DCAF1: variants seen among roughly 807,000 people sequenced by gnomAD.
The protein encoded by DCAF1 is DDB1 and CUL4 associated factor 1.
A neutral mutation model predicts 128.0 loss-of-function variants in DCAF1; 15 were observed. The ratio of observed to expected loss-of-function variants is 0.12; its 90% CI spans 0.08 to 0.18. The LOEUF (loss-of-function observed/expected upper bound fraction) is 0.18. Among genes scored for constraint, DCAF1 ranks in the 10% least tolerant of loss-of-function variants. DCAF1 has a pLI of 1.00. For missense variants in DCAF1, 988 were observed against 1,649.5 expected, an observed-to-expected ratio of 0.60 and a Z score of 6.95; for synonymous variants, 610 against 603.0, an observed-to-expected ratio of 1.01 and a Z score of -0.17.
At chr3:51,454,079 CTT>C (rs1284877071) in intron 6 of DCAF1, among the ~76,000 whole-genome samples, 3 of 152,180 alleles carry the variant, frequency 2.0e-5, no homozygotes, top group Non-Finnish European at 4.4e-5. Flanking sequence ...GTCTCACTCT[CTT>C]GTCAGGGCTG....
intron 10 of DCAF1, among the ~76,000 whole-genome samples, chr3:51,431,356 G>GAA (rs879994256): frequency 7.4e-6 from 1 of 134,288 alleles, no homozygotes; most frequent in Non-Finnish European, 1.6e-5. Flanking sequence ...CGTCTCTACT[G>GAA]AAAAAAAAAA....
At chr3:51,402,566 A>ATTTTTTTTTTTTTTTTT (rs540396047) in intron 24 of DCAF1, among the ~76,000 whole-genome samples, 1 of 84,984 alleles carries the variant, frequency 1.2e-5, no homozygotes, top group Non-Finnish European at 2.0e-5. Flanking sequence ...CCTACAAAGC[A>ATTTTTTTTTTTTTTTTT]TTTTTTTTTT....
chr3:51,428,588 G>C (rs1553634709), intron 12 of DCAF1, among the ~76,000 whole-genome samples: 1 of 152,068 alleles, frequency 6.6e-6, no homozygotes, highest in African/African-American at 2.4e-5. Context: ...GCAGCTACTC[G>C]TCATTATCCC....
chr3:51,442,479 C>A (rs554388068), intron 7 of DCAF1, among the ~76,000 whole-genome samples: 63 of 152,244 alleles, frequency 4.1e-4, no homozygotes, highest in Middle Eastern at 3.4e-3. Flanking sequence ...GGACGAATCA[C>A]CTGAGATCAG....
At chr3:51,412,687 T>C (rs1485552953) in intron 22 of DCAF1, among the ~76,000 whole-genome samples, 1 of 152,178 alleles carries the variant, frequency 6.6e-6, no homozygotes, top group Non-Finnish European at 1.5e-5. Context: ...TGAGGAACCA[T>C]CACCCTTGGA....
At chr3:51,435,394 C>T (rs1700717239) in intron 9 of DCAF1, among the ~76,000 whole-genome samples, 1 of 152,170 alleles carries the variant, frequency 6.6e-6, no homozygotes, top group African/African-American at 2.4e-5. Flanking sequence ...CACACCAAAT[C>T]CCACATGTAG....
At chr3:51,421,742 T>C (rs1318126191) in intron 14 of DCAF1, among the ~76,000 whole-genome samples, 2 of 152,188 alleles carry the variant, frequency 1.3e-5, no homozygotes, top group African/African-American at 4.8e-5. Context: ...ACCCCAGCAG[T>C]GCCCTGATCA....
chr3:51,441,926 G>C (rs782312752), intron 7 of DCAF1, 29 bp from the exon 8 acceptor site: 107 of 1,553,578 alleles, frequency 6.9e-5, no homozygotes, highest in Non-Finnish European at 8.0e-5. Flanking sequence ...AGAAAAAGGG[G>C]GTGCCTCTTT....
At chr3:51,492,955 C>T (rs1707828501) in intron 2 of DCAF1, among the ~76,000 whole-genome samples, 1 of 151,848 alleles carries the variant, frequency 6.6e-6, no homozygotes, top group Non-Finnish European at 1.5e-5. Context: ...GATCGCGCCA[C>T]TGCACTCCAT....
At chr3:51,459,984 T>C (rs1396999438) in intron 6 of DCAF1, among the ~76,000 whole-genome samples, 2 of 152,182 alleles carry the variant, frequency 1.3e-5, no homozygotes, top group Admixed American at 6.6e-5. Context: ...GCATTCCCTT[T>C]GAAAACGGGC....
intron 6 of DCAF1, among the ~76,000 whole-genome samples, chr3:51,457,139 A>T (rs1703009424): frequency 6.6e-6 from 1 of 152,192 alleles, no homozygotes; most frequent in Non-Finnish European, 1.5e-5. Flanking sequence ...AATTCGAACC[A>T]ATGGCAAAGA....
At chr3:51,414,071 A>G in intron 19 of DCAF1, 28 bp from the exon 20 acceptor site, 1 of 1,557,428 alleles carries the variant, frequency 6.4e-7, no homozygotes, top group Non-Finnish European at 8.7e-7. Context: ...AAGGAAAACT[A>G]TTTTACACAA....
chr3:51,446,072 C>T (rs981729502), intron 6 of DCAF1, among the ~76,000 whole-genome samples: 1 of 149,926 alleles, frequency 6.7e-6, no homozygotes, highest in Admixed American at 6.8e-5. Context: ...CGACTCAGTG[C>T]AACCTCCACC....
chr3:51,499,268 C>T (rs1268118259), intron 1 of DCAF1, among the ~76,000 whole-genome samples: 1 of 152,240 alleles, frequency 6.6e-6, no homozygotes, highest in African/African-American at 2.4e-5. Context: ...TGACTCCAGG[C>T]TGCGGGACCC....
downstream of DCAF1, chr3:51,396,387 T>C (rs1553622963): frequency 6.0e-6 from 1 of 167,690 alleles, no homozygotes; most frequent in African/African-American, 2.4e-5. Context: ...ACTTCCTTCC[T>C]TTGGCTCTTA....
chr3:51,481,901 G>C (rs1706246464), intron 3 of DCAF1, among the ~76,000 whole-genome samples: 1 of 152,088 alleles, frequency 6.6e-6, no homozygotes, highest in African/African-American at 2.4e-5. Context: ...GAGGCAGGGA[G>C]AATTGCTTGA....
chr3:51,456,365 G>A (rs868937294), intron 6 of DCAF1, among the ~76,000 whole-genome samples: 37 of 152,146 alleles, frequency 2.4e-4, no homozygotes, highest in Non-Finnish European at 4.1e-4. Flanking sequence ...GGGGAGGGGC[G>A]CCCGCCATTG....
chr3:51,434,164 G>C (rs1700622663), intron 9 of DCAF1, among the ~76,000 whole-genome samples: 1 of 152,038 alleles, frequency 6.6e-6, no homozygotes, highest in African/African-American at 2.4e-5. Flanking sequence ...TACTTTGAGA[G>C]GCCAAGGTGA....
chr3:51,400,814 G>C (rs1553624598), intron 24 of DCAF1, among the ~76,000 whole-genome samples: 4 of 152,010 alleles, frequency 2.6e-5, no homozygotes, highest in African/African-American at 9.7e-5. Flanking sequence ...TCTGGAGGCA[G>C]GGCTGACAAG....
Sources: gnomAD v4.1 joint callset for allele counts (sites outside exome capture counted in the v4.1 genomes callset) on GRCh38, gnomAD v4.1.1 for gene constraint, MANE v1.5 for transcripts, NCBI Gene and HGNC (gene_info 2026-07-23, HGNC 2026-07-21) for gene names.